AGMO: variants seen among roughly 807,000 people sequenced by gnomAD.
The protein encoded by AGMO is alkylglycerol monooxygenase.
A neutral mutation model predicts 60.2 loss-of-function variants in AGMO; 75 were observed. That is an observed-to-expected ratio of 1.25 (90% confidence interval 1.03 to 1.51). The LOEUF (loss-of-function observed/expected upper bound fraction) is 1.51, where lower values mean the gene tolerates loss of function less well. Ranked by LOEUF, AGMO falls within the 40% of genes most tolerant of loss-of-function variation. The pLI, the probability that AGMO is intolerant of heterozygous loss-of-function variation, is 0.00. For missense variants in AGMO, 763 were observed against 525.5 expected (o/e 1.45, Z -4.42); for synonymous variants, 261 against 177.1 (o/e 1.47, Z -3.76).
intron 12 of AGMO, among the ~76,000 whole-genome samples, chr7:15,343,794 A>C (rs1014615476): frequency 6.6e-6 from 1 of 152,202 alleles, no homozygotes; most frequent in African/African-American, 2.4e-5. Flanking sequence ...TTTGAATCAC[A>C]GAAAGGGAAG....
intron 12 of AGMO, among the ~76,000 whole-genome samples, chr7:15,237,869 C>A (rs1304817218): frequency 6.6e-6 from 1 of 152,052 alleles, no homozygotes; most frequent in East Asian, 1.9e-4. Flanking sequence ...TGAATATAAA[C>A]CTTCTTTCAA....
intron 6 of AGMO, among the ~76,000 whole-genome samples, chr7:15,392,102 C>G (rs906050630): frequency 1.3e-5 from 2 of 151,808 alleles, no homozygotes; most frequent in African/African-American, 4.8e-5. Context: ...TGGAGTCTCA[C>G]TCTGTTGTCC....
At chr7:15,461,218 T>A (rs374446247) in intron 3 of AGMO, among the ~76,000 whole-genome samples, 2 of 152,102 alleles carry the variant, frequency 1.3e-5, no homozygotes, top group African/African-American at 4.8e-5. Flanking sequence ...CAATGCTGTA[T>A]GCTTTTGAGA....
intron 12 of AGMO, among the ~76,000 whole-genome samples, chr7:15,301,225 G>A (rs368646988): frequency 2.0e-5 from 3 of 152,208 alleles, no homozygotes; most frequent in East Asian, 3.9e-4. Context: ...GATCACTTGA[G>A]GTCAGGAGTT....
At position 15,390,730 on chromosome 7, in the gene AGMO, C is replaced by G. The variant is rs146477677; in HGVS notation, c.763G>C (p.Glu255Gln). The change falls in exon 8 of 13, where the codon GAA becomes CAA. Residue 255 changes from glutamate (E) to glutamine (Q), a missense_variant. Physicochemically the swap from Glu to Gln is conservative, Grantham distance 29 (BLOSUM62 2). Coordinates refer to ENST00000342526, the MANE Select transcript of AGMO (RefSeq NM_001004320.2). ...TGTGTTAAGCCATATACAACTTTTT[C>G]ATTTTCTGCTTCAAATGTCCCTGGA... ...KIFGTFEAENEKVVYGLTHPI... is the reference protein window; with the variant it reads ...KIFGTFEAENQKVVYGLTHPI... 2 of 1,611,024 alleles carry G rather than the reference C, an allele frequency of 1.2e-6. No individual in the cohort carries two copies. The highest frequency in any genetic ancestry group is 1.7e-6 in the Non-Finnish European group (2 of 1,178,074).
intron 10 of AGMO, among the ~76,000 whole-genome samples, chr7:15,377,724 C>G (rs117476638): frequency 9.4e-4 from 143 of 152,068 alleles, no homozygotes; most frequent in Non-Finnish European, 1.7e-3. Context: ...TGGTCTCATT[C>G]AACTATTTAA....
At chr7:15,329,431 C>T (rs1781435839) in intron 12 of AGMO, among the ~76,000 whole-genome samples, 1 of 152,106 alleles carries the variant, frequency 6.6e-6, no homozygotes, top group Non-Finnish European at 1.5e-5. Context: ...TGCAAGCTCC[C>T]AGAGGACATG....
intron 10 of AGMO, among the ~76,000 whole-genome samples, chr7:15,380,876 T>C (rs907473983): frequency 1.3e-5 from 2 of 151,924 alleles, no homozygotes; most frequent in Non-Finnish European, 2.9e-5. Flanking sequence ...GAAATAACAC[T>C]GCACAACTAC....
chr7:15,318,750 A>G (rs1383732220), intron 12 of AGMO, among the ~76,000 whole-genome samples: 1 of 152,172 alleles, frequency 6.6e-6, no homozygotes, highest in Non-Finnish European at 1.5e-5. Flanking sequence ...TATATTCTAC[A>G]TTGGCTCAAT....
chr7:15,221,573 T>A (rs1781923532), intron 12 of AGMO, among the ~76,000 whole-genome samples: 1 of 152,182 alleles, frequency 6.6e-6, no homozygotes. Context: ...TCAACTCTGA[T>A]ATTTCTTCTC....
chr7:15,544,825 G>A lies in AGMO; in HGVS notation c.356C>T (p.Ser119Leu). 6.2e-7 allele frequency: 1 copy of A among 1,610,136 alleles called. No individual in the cohort carries two copies. Among genetic ancestry groups the A allele is most frequent in the South Asian group, 1.1e-5 (1 of 90,544 alleles). The change falls in exon 3 of 13, where the codon TCA becomes TTA. Residue 119 changes from serine (S) to leucine (L), a missense_variant. Physicochemically the swap from Ser to Leu is moderately radical, Grantham distance 145 (BLOSUM62 -2). Transcript: ENST00000342526. ...LPWDSPWTWY[S>L]AFLGVDFGYY... is the part of the protein sequence containing the mutation. Reference sequence around the variant, plus strand: ...GCCAAAGTCAACTCCTAAGAAGGCTGAATACCAAGTCCATGGAGAATCCCA... The same window carrying A: ...GCCAAAGTCAACTCCTAAGAAGGCTAAATACCAAGTCCATGGAGAATCCCA...
chr7:15,324,758 A>C (rs997423810), intron 12 of AGMO, among the ~76,000 whole-genome samples: 6 of 152,144 alleles, frequency 3.9e-5, no homozygotes. Flanking sequence ...AGGACTGCGC[A>C]ATCTAGATCC....
At chr7:15,551,616 G>A (rs1229388964) in intron 2 of AGMO, among the ~76,000 whole-genome samples, 1 of 151,392 alleles carries the variant, frequency 6.6e-6, no homozygotes, top group African/African-American at 2.4e-5. Flanking sequence ...TACAAGGGAT[G>A]TGAAGGACCT....
At chr7:15,344,929 G>C (rs1048471672) in intron 12 of AGMO, among the ~76,000 whole-genome samples, 2 of 152,158 alleles carry the variant, frequency 1.3e-5, no homozygotes, top group African/African-American at 2.4e-5. Context: ...GTTTTCTTGA[G>C]ATGCAAAGAA....
chr7:15,268,842 T>C (rs898035024), intron 12 of AGMO, among the ~76,000 whole-genome samples: 1 of 152,042 alleles, frequency 6.6e-6, no homozygotes, highest in African/African-American at 2.4e-5. Context: ...TGTTAGATTA[T>C]TTTCTCTATT....
intron 10 of AGMO, among the ~76,000 whole-genome samples, chr7:15,373,976 G>A (rs1441652458): frequency 1.3e-5 from 2 of 152,078 alleles, no homozygotes; most frequent in Admixed American, 1.3e-4. Context: ...TGGCTTTCTT[G>A]GCATACTTAT....
intron 12 of AGMO, among the ~76,000 whole-genome samples, chr7:15,329,898 A>G (rs530563079): frequency 7.2e-5 from 11 of 152,272 alleles, no homozygotes; most frequent in African/African-American, 9.6e-5. Context: ...GCGGGTCTCT[A>G]AAGTTAACAG....
chr7:15,552,036 C>G (rs922284519), intron 2 of AGMO, among the ~76,000 whole-genome samples: 2 of 152,036 alleles, frequency 1.3e-5, no homozygotes, highest in African/African-American at 2.4e-5. Context: ...ACTATCTGAT[C>G]TTTGACAAAC....
chr7:15,367,272 T>C (rs1432282188), intron 10 of AGMO, among the ~76,000 whole-genome samples: 2 of 151,884 alleles, frequency 1.3e-5, no homozygotes, highest in Admixed American at 1.3e-4. Flanking sequence ...AATTATCTTT[T>C]GAATCATTGT....
Sources: allele counts gnomAD v4.1 joint callset (sites outside exome capture counted in the v4.1 genomes callset), GRCh38; gene constraint gnomAD v4.1.1; transcripts MANE v1.5; gene names NCBI Gene and HGNC (gene_info 2026-07-23, HGNC 2026-07-21).